Variants in ZNF66 observed in about 807,000 individuals in gnomAD.
ZNF66 encodes the protein zinc finger protein 66, also known as putative zinc finger protein 66.
Under a neutral mutation model 35.2 loss-of-function variants are expected in ZNF66, and 32 were observed. The observed-to-expected ratio is 0.91, with a 90% CI of 0.69 to 1.22. The LOEUF (loss-of-function observed/expected upper bound fraction) is 1.22, where lower values mean the gene tolerates loss of function less well. ZNF66 is among the 50% of genes most tolerant of loss of function. The pLI is 0.00. For synonymous variants in ZNF66, 231 were observed against 181.3 expected (o/e 1.27, Z -2.20); for missense variants, 666 against 543.1 (o/e 1.23, Z -2.25).
Position 20,806,514 on chromosome 19 carries a change from T to G in ZNF66, c.914T>G (p.Ile305Arg), listed in dbSNP as rs759521736. 1.4e-5 allele frequency: 21 copies of G among 1,518,986 alleles called. No homozygotes were observed. The highest frequency in any genetic ancestry group is 1.7e-4 in the Middle Eastern group (1 of 5,882). 94.1% of individuals were successfully genotyped at this position (1,518,986 alleles called of 1,614,324 possible). Reference sequence around the variant, plus strand: ...CTTTCTTCCCTTTCTACACATAAGATAATTCATACTGGAGAGAAACCCTAC... The same window carrying G: ...CTTTCTTCCCTTTCTACACATAAGAGAATTCATACTGGAGAGAAACCCTAC... ...KYLSSLSTHKIIHTGEKPYKC... is the reference protein window; with the variant it reads ...KYLSSLSTHKRIHTGEKPYKC... Residue 305 changes from isoleucine to arginine, a missense_variant, in exon 4 of 4, where the codon ATA (isoleucine) becomes AGA (arginine). Ile to Arg is a moderately conservative substitution (Grantham distance 97, BLOSUM62 -3). Coordinates refer to ENST00000344519, the MANE Select transcript of ZNF66 (RefSeq NM_001355197.2).
Position 20,776,361 on chromosome 19 carries a change from C to G in ZNF66, c.-87C>G, listed in dbSNP as rs918653704. On this transcript the variant is annotated 5_prime_UTR_variant, in exon 1 of 4. Transcript: ENST00000344519. ...TGTTCACTGCTCTCTGTCTTCTTCT[C>G]CTAGAGGCCCAGCCTCTGTGGCCCT... 5.3e-6 allele frequency: 8 copies of G among 1,504,954 alleles called. No individual in the cohort carries two copies. The highest frequency in any genetic ancestry group is 1.4e-5 in the African/African-American group (1 of 72,652). The allele number at this position is 1,504,954 out of a possible 1,614,324, so 93.2% of individuals were successfully genotyped here.
chr19:20,803,301 CTCTT>C (rs1419288969), intron 3 of ZNF66, among the ~76,000 whole-genome samples: 2 of 135,008 alleles, frequency 1.5e-5, no homozygotes, highest in South Asian at 2.4e-4. Flanking sequence ...CTCTCATTTT[CTCTT>C]TCTGTCTTTT....
At position 20,809,539 on chromosome 19, in the gene ZNF66, GA is replaced by G. The variant is rs1294539523; in HGVS notation, c.*2221del. Among the ~76,000 whole-genome samples, 1 of 151,952 alleles carries G rather than the reference GA, an allele frequency of 6.6e-6. No homozygotes were observed. Among genetic ancestry groups the G allele is most frequent in the African/African-American group, 2.4e-5 (1 of 41,342 alleles). On this transcript the variant is annotated 3_prime_UTR_variant, in exon 4 of 4. Transcript: ENST00000344519. ...GGGGCCAATATTCAACATTCTTAAA[GA>G]AAAGAATTTTCAACCCAGAATTTCA...
intron 1 of ZNF66, among the ~76,000 whole-genome samples, chr19:20,785,742 T>C (rs1971281187): frequency 6.6e-6 from 1 of 150,792 alleles, no homozygotes; most frequent in Non-Finnish European, 1.5e-5. Flanking sequence ...AAATTTTTCT[T>C]CTTTTTCTGT....
rs558989196 is a variant in ZNF66, at chr19:20,808,305, C to A, written c.*983C>A. Among the ~76,000 whole-genome samples, 9 of 152,356 alleles carry A rather than the reference C, an allele frequency of 5.9e-5. No individual in the cohort carries two copies. The highest frequency in any genetic ancestry group is 2.2e-4 in the African/African-American group (9 of 41,590). ...GCACAGACAAAAAGACAGCAGTAAC[C>A]TCTGCAGACTTAAACGTCCCTGTCT... On this transcript the variant is annotated 3_prime_UTR_variant, in exon 4 of 4. Coordinates refer to ENST00000344519, the MANE Select transcript of ZNF66 (RefSeq NM_001355197.2).
chr19:20,788,863 C>A (rs551736583), intron 1 of ZNF66, among the ~76,000 whole-genome samples: 8 of 151,626 alleles, frequency 5.3e-5, no homozygotes, highest in African/African-American at 1.7e-4. Context: ...CCAGCCTGAC[C>A]AATGTGGTGA....
In ZNF66 at chr19:20,809,003, C is replaced by A. The variant is rs919472476; in HGVS notation, c.*1681C>A. 9.2e-5 allele frequency among the ~76,000 whole-genome samples: 14 copies of A among 152,208 alleles called. No individual in the cohort carries two copies. The East Asian group carries it at 2.5e-3, about 27-fold the overall frequency. On this transcript the variant is annotated 3_prime_UTR_variant, in exon 4 of 4. Transcript: ENST00000344519. Reference sequence around the variant, plus strand: ...GAAATGCTTAAAGGAGCTGATGGAGCTGAAAGCCAAGGATCAAGAACTACG... The same window carrying A: ...GAAATGCTTAAAGGAGCTGATGGAGATGAAAGCCAAGGATCAAGAACTACG...
In ZNF66 at chr19:20,808,994, C is replaced by T. The variant is rs1239362508; in HGVS notation, c.*1672C>T. ...CAATGCAGAGAAATGCTTAAAGGAGCTGATGGAGCTGAAAGCCAAGGATCA... is the reference window on the plus strand; with the variant it reads ...CAATGCAGAGAAATGCTTAAAGGAGTTGATGGAGCTGAAAGCCAAGGATCA... On this transcript the variant is annotated 3_prime_UTR_variant, in exon 4 of 4. Coordinates refer to ENST00000344519, the MANE Select transcript of ZNF66 (RefSeq NM_001355197.2). 6.6e-6 allele frequency among the ~76,000 whole-genome samples: 1 copy of T among 152,090 alleles called. No homozygotes were observed. The highest frequency in any genetic ancestry group is 1.5e-5 in the Non-Finnish European group (1 of 68,022).
In ZNF66 at chr19:20,782,935, T is replaced by G. The variant is rs115023950; in HGVS notation, c.3+6485T>G. Among the ~76,000 whole-genome samples, 595 of 152,310 alleles carry G rather than the reference T, an allele frequency of 3.9e-3. 5 individuals are homozygous for G. The highest frequency in any genetic ancestry group is 0.014 in the African/African-American group (570 of 41,568). ...CATGAAGTCTTTGCCAGTTTCTGTG[T>G]CTAGAATGGTGTTTCTTAGGTTATC... On this transcript the variant is annotated intron_variant, in intron 1 of 3. Transcript: ENST00000344519.
intron 1 of ZNF66, among the ~76,000 whole-genome samples, chr19:20,790,703 A>G (rs921731801): frequency 2.0e-5 from 3 of 151,956 alleles, no homozygotes; most frequent in Non-Finnish European, 4.4e-5. Context: ...TAATTTGTCC[A>G]GAGAATCTTC....
At position 20,793,326 on chromosome 19, in the gene ZNF66, TCTTTTC is replaced by T. The variant is rs1321320550; in HGVS notation, c.131-456_131-451del. Reference sequence around the variant, plus strand: ...TCTTTTCTTTTCTTTTCTTTTCTTTTCTTTTCTTTTTTTTTTTTTTTTGAGACAGAG... The same window carrying T: ...TCTTTTCTTTTCTTTTCTTTTCTTTTTTTTTTTTTTTTTTTTGAGACAGAG... On this transcript the variant is annotated intron_variant, in intron 2 of 3. Coordinates refer to ENST00000344519, the MANE Select transcript of ZNF66 (RefSeq NM_001355197.2). 2.6e-3 allele frequency among the ~76,000 whole-genome samples: 198 copies of T among 77,260 alleles called. 1 individual carries two copies. The highest frequency in any genetic ancestry group is 8.4e-3 in the East Asian group (22 of 2,604). The allele number at this position is 77,260 out of a possible 152,430, so 50.7% of individuals were successfully genotyped here. A position where few individuals can be genotyped will look rare whatever the true frequency, so the allele number is the denominator to read the frequency against.
At chr19:20,804,358 C>T (rs911723525) in intron 3 of ZNF66, among the ~76,000 whole-genome samples, 1 of 152,014 alleles carries the variant, frequency 6.6e-6, no homozygotes, top group East Asian at 1.9e-4. Flanking sequence ...ATTCTCTTGC[C>T]TCAGCCTCCT....
Position 20,776,531 on chromosome 19 carries a change from T to C in ZNF66, c.3+81T>C, listed in dbSNP as rs962284812. The C allele has an allele frequency of 1.2e-5, 18 of 1,451,274 alleles. No individual in the cohort carries two copies. In the African/African-American group the frequency reaches 2.2e-4, roughly 18 times the overall value. 89.9% of individuals were successfully genotyped at this position (1,451,274 alleles called of 1,614,324 possible). ...GGCCTCCCCTCAGTCAGCTCCACAA[T>C]CTGCACCCCGAATTCTCCTTACCCA... On this transcript the variant is annotated intron_variant, in intron 1 of 3. Transcript: ENST00000344519.
intron 1 of ZNF66, among the ~76,000 whole-genome samples, chr19:20,784,007 C>A (rs1971266223): frequency 6.6e-6 from 1 of 152,124 alleles, no homozygotes; most frequent in Non-Finnish European, 1.5e-5. Flanking sequence ...CAAGTGCACA[C>A]CACCATGCCT....
rs542824805 is a variant in ZNF66, at chr19:20,787,877, A to G, written c.4-4635A>G. ...TTCCACCAGGGCAGTTCCATTTTCT[A>G]TTTAGAATCAGCCTGAGTCTCTCCA... On this transcript the variant is annotated intron_variant, in intron 1 of 3. Transcript: ENST00000344519. Among the ~76,000 whole-genome samples the G allele has an allele frequency of 8.8e-4, 134 of 152,308 alleles. 1 individual carries two copies. Among genetic ancestry groups the G allele is most frequent in the African/African-American group, 3.1e-3 (129 of 41,584 alleles).
intron 3 of ZNF66, among the ~76,000 whole-genome samples, chr19:20,798,764 G>T (rs1473327861): frequency 6.6e-6 from 1 of 152,134 alleles, no homozygotes; most frequent in Non-Finnish European, 1.5e-5. Context: ...TCTCATATAA[G>T]TGGAATCATA....
chr19:20,798,577 A>G (rs381831), intron 3 of ZNF66, among the ~76,000 whole-genome samples: 14,172 of 152,224 alleles, frequency 0.093, 674 homozygotes, highest in Middle Eastern at 0.11. Context: ...AGAGCTGTTC[A>G]TTTCAGGCAT....
rs143157803 is a variant in ZNF66 at position 20,798,752 on chromosome 19, T to C, written c.226+4874T>C. On this transcript the variant is annotated intron_variant, in intron 3 of 3. Transcript: ENST00000344519. ...ATTTTATGATTTTGACTACTTAAGA[T>C]ATCTCATATAAGTGGAATCATACAG... Among the ~76,000 whole-genome samples the C allele has an allele frequency of 1.5e-3, 231 of 152,348 alleles. 2 individuals carry two copies. Among genetic ancestry groups the C allele is most frequent in the African/African-American group, 5.5e-3 (229 of 41,580 alleles).
Position 20,785,751 on chromosome 19 carries a change from G to GT in ZNF66, c.4-6756dup, listed in dbSNP as rs1171317364. Among the ~76,000 whole-genome samples, 36 of 148,726 alleles carry GT rather than the reference G, an allele frequency of 2.4e-4. 1 individual carries two copies. Among genetic ancestry groups the GT allele is most frequent in the African/African-American group, 9.0e-4 (36 of 40,188 alleles). On this transcript the variant is annotated intron_variant, in intron 1 of 3. Transcript: ENST00000344519. ...TGGAGAAAATTTTTCTTCTTTTTCTGTTTTTGTTTGTTTGTTTGTTTGTTT... is the reference window on the plus strand; with the variant it reads ...TGGAGAAAATTTTTCTTCTTTTTCTGTTTTTTGTTTGTTTGTTTGTTTGTTT...
Sources: allele counts gnomAD v4.1 joint callset (sites outside exome capture counted in the v4.1 genomes callset), GRCh38; gene constraint gnomAD v4.1.1; transcripts MANE v1.5; gene names NCBI Gene and HGNC (gene_info 2026-07-23, HGNC 2026-07-21).